INPP4B: variants seen among roughly 807,000 people sequenced by gnomAD.
The protein encoded by INPP4B is inositol polyphosphate 4-phosphatase type II.
Under a neutral mutation model 122.5 loss-of-function variants are expected in INPP4B, and 55 were observed. The ratio of observed to expected loss-of-function variants is 0.45; its 90% CI spans 0.36 to 0.56. The LOEUF is 0.56. Among genes scored for constraint, INPP4B ranks in the 20% least tolerant of loss-of-function variants. The pLI is 0.00. For synonymous variants in INPP4B, 403 were observed against 388.7 expected (o/e 1.04, Z -0.43); for missense variants, 1,000 against 1,097.7 (o/e 0.91, Z 1.26).
chr4:142,108,310 T>A (rs1027131606), intron 22 of INPP4B, 120 bp from the exon 23 acceptor site: 1 of 658,812 alleles, frequency 1.5e-6, no homozygotes, highest in African/African-American at 1.9e-5. Flanking sequence ...GTCTGTCTCA[T>A]TTTTCAAGCT....
chr4:142,514,004 G>C (rs1825092477), intron 2 of INPP4B, among the ~76,000 whole-genome samples: 2 of 152,172 alleles, frequency 1.3e-5, no homozygotes, highest in South Asian at 4.1e-4. Context: ...CATCTTGAGA[G>C]GGGCTGGCTA....
intron 21 of INPP4B, among the ~76,000 whole-genome samples, chr4:142,115,535 C>A (rs959334560): frequency 6.6e-6 from 1 of 152,150 alleles, no homozygotes; most frequent in African/African-American, 2.4e-5. Context: ...GAATTTTCAA[C>A]CCAGAATTTC....
chr4:142,070,649 C>A (rs190874482), intron 25 of INPP4B, among the ~76,000 whole-genome samples: 2,402 of 152,258 alleles, frequency 0.016, 19 homozygotes, highest in Non-Finnish European at 0.027. Flanking sequence ...TCTCAAGATA[C>A]AAAATCAATG....
intron 5 of INPP4B, among the ~76,000 whole-genome samples, chr4:142,418,743 T>C (rs1806261045): frequency 6.6e-6 from 1 of 152,150 alleles, no homozygotes; most frequent in African/African-American, 2.4e-5. Context: ...GAGAATGGCC[T>C]GCTCCTTAAG....
chr4:142,652,468 AC>A (rs1357917868), intron 2 of INPP4B, among the ~76,000 whole-genome samples: 1 of 152,066 alleles, frequency 6.6e-6, no homozygotes, highest in Admixed American at 6.6e-5. Flanking sequence ...TATTTAGAAA[AC>A]CCCATCAACT....
intron 15 of INPP4B, among the ~76,000 whole-genome samples, chr4:142,182,826 C>T (rs2152983719): frequency 6.6e-6 from 1 of 152,202 alleles, no homozygotes; most frequent in East Asian, 1.9e-4. Flanking sequence ...TTAGATATTT[C>T]CTTAAAATCT....
intron 2 of INPP4B, among the ~76,000 whole-genome samples, chr4:142,672,391 G>T (rs116489027): frequency 0.017 from 2,556 of 152,120 alleles, 31 homozygotes; most frequent in Non-Finnish European, 0.03. Context: ...CTAAATCCTT[G>T]CCAGACCTTG....
chr4:142,146,145 TATGG>T, intron 17 of INPP4B, 149 bp from the exon 18 acceptor site: 1 of 795,644 alleles, frequency 1.3e-6, no homozygotes, highest in Non-Finnish European at 2.0e-6. Context: ...TTGGTCAGAC[TATGG>T]ATATATAATG....
intron 2 of INPP4B, among the ~76,000 whole-genome samples, chr4:142,500,815 T>A (rs1580222603): frequency 6.6e-6 from 1 of 152,266 alleles, no homozygotes; most frequent in Non-Finnish European, 1.5e-5. Context: ...CTATATGATC[T>A]ACTCAAAGTA....
At chr4:142,743,389 T>C (rs763714615) in intron 1 of INPP4B, among the ~76,000 whole-genome samples, 23 of 151,940 alleles carry the variant, frequency 1.5e-4, no homozygotes, top group Non-Finnish European at 2.6e-4. Flanking sequence ...AAGTAGCTGC[T>C]CAGAAGGGAG....
chr4:142,829,950 A>T (rs1781914186), intron 1 of INPP4B, among the ~76,000 whole-genome samples: 2 of 152,316 alleles, frequency 1.3e-5, no homozygotes, highest in Non-Finnish European at 2.9e-5. Context: ...TTTAAAAATT[A>T]TACCATTTTA....
At chr4:142,664,404 G>A (rs1411404794) in intron 2 of INPP4B, among the ~76,000 whole-genome samples, 2 of 151,952 alleles carry the variant, frequency 1.3e-5, no homozygotes, top group Admixed American at 6.6e-5. Context: ...TCCCTTCTGT[G>A]CCTAGAACAG....
At chr4:142,298,410 T>C (rs1759768245) in intron 9 of INPP4B, among the ~76,000 whole-genome samples, 1 of 151,910 alleles carries the variant, frequency 6.6e-6, no homozygotes, top group Non-Finnish European at 1.5e-5. Flanking sequence ...GATCAGGCCA[T>C]GCGCGGTGGC....
At chr4:142,554,718 C>T (rs377543331) in intron 2 of INPP4B, among the ~76,000 whole-genome samples, 32 of 152,216 alleles carry the variant, frequency 2.1e-4, no homozygotes, top group African/African-American at 7.7e-4. Flanking sequence ...TTGTCAAAGT[C>T]AGAATTTCAT....
intron 1 of INPP4B, among the ~76,000 whole-genome samples, chr4:142,784,842 T>C (rs1014023455): frequency 1.3e-5 from 2 of 152,148 alleles, no homozygotes; most frequent in African/African-American, 4.8e-5. Context: ...CAGAGCTTTA[T>C]CTGACCTAAG....
At chr4:142,645,386 T>C (rs1751521379) in intron 2 of INPP4B, among the ~76,000 whole-genome samples, 2 of 152,234 alleles carry the variant, frequency 1.3e-5, no homozygotes, top group Non-Finnish European at 2.9e-5. Context: ...TTAATTTGTT[T>C]CCAAATATCC....
chr4:142,203,687 T>G (rs1841588795), intron 14 of INPP4B, among the ~76,000 whole-genome samples: 1 of 152,064 alleles, frequency 6.6e-6, no homozygotes, highest in Non-Finnish European at 1.5e-5. Context: ...GTATGAGACA[T>G]GACAACATTA....
intron 3 of INPP4B, among the ~76,000 whole-genome samples, chr4:142,451,676 A>G (rs1428803540): frequency 6.6e-6 from 1 of 152,176 alleles, no homozygotes; most frequent in African/African-American, 2.4e-5. Context: ...TGGAGATCAC[A>G]ATCCCAGTCA....
intron 2 of INPP4B, among the ~76,000 whole-genome samples, chr4:142,637,978 G>A (rs1272325167): frequency 6.6e-6 from 1 of 152,074 alleles, no homozygotes; most frequent in Non-Finnish European, 1.5e-5. Context: ...ATGCTTACAT[G>A]CCATCTATAT....
Sources: gnomAD v4.1 joint callset for allele counts (sites outside exome capture counted in the v4.1 genomes callset) on GRCh38, gnomAD v4.1.1 for gene constraint, MANE v1.5 for transcripts, NCBI Gene and HGNC (gene_info 2026-07-23, HGNC 2026-07-21) for gene names.